PRKG1: variants seen among roughly 807,000 people sequenced by gnomAD.
The protein encoded by PRKG1 is protein kinase cGMP-dependent 1.
A neutral mutation model predicts 88.1 loss-of-function variants in PRKG1; 35 were observed. The ratio of observed to expected loss-of-function variants is 0.40; its 90% CI spans 0.30 to 0.53. The LOEUF (loss-of-function observed/expected upper bound fraction) is 0.53. Among genes scored for constraint, PRKG1 ranks in the 20% least tolerant of loss-of-function variants. The probability of loss-of-function intolerance (pLI) is 0.59; values close to 1 mark genes in which losing one functional copy is unlikely to be tolerated. For missense variants in PRKG1, 540 were observed against 839.8 expected, an observed-to-expected ratio of 0.64 and a Z score of 4.41; for synonymous variants, 303 against 292.5, an observed-to-expected ratio of 1.04 and a Z score of -0.37.
At chr10:51,299,714 C>A in intron 2 of PRKG1, 1 of 413,422 alleles carries the variant, frequency 2.4e-6, no homozygotes, top group Non-Finnish European at 4.7e-6. Context: ...TTGCTCTCTG[C>A]ACATGTGTTT....
At chr10:51,886,693 C>T (rs1841578741) in intron 4 of PRKG1, among the ~76,000 whole-genome samples, 1 of 152,104 alleles carries the variant, frequency 6.6e-6, no homozygotes, top group Non-Finnish European at 1.5e-5. Flanking sequence ...TAGGTTTAAC[C>T]ATGCTGTAAC....
At chr10:51,560,969 G>A (rs962160619) in intron 3 of PRKG1, among the ~76,000 whole-genome samples, 1 of 151,894 alleles carries the variant, frequency 6.6e-6, no homozygotes, top group Non-Finnish European at 1.5e-5. Context: ...GAACAGGGCT[G>A]GGCAAGGTGG....
At chr10:51,435,819 T>C (rs1485066819) in intron 2 of PRKG1, among the ~76,000 whole-genome samples, 1 of 152,002 alleles carries the variant, frequency 6.6e-6, no homozygotes, top group Non-Finnish European at 1.5e-5. Flanking sequence ...AGGTGCCAAG[T>C]GCCAAAGGAT....
At chr10:51,124,165 A>T (rs1199346503) in intron 1 of PRKG1, among the ~76,000 whole-genome samples, 2 of 152,110 alleles carry the variant, frequency 1.3e-5, no homozygotes, top group African/African-American at 4.8e-5. Context: ...TTTTGATCAG[A>T]ACCTGATCAA....
chr10:51,012,911 G>A (rs939741338), intron 1 of PRKG1, among the ~76,000 whole-genome samples: 1 of 152,226 alleles, frequency 6.6e-6, no homozygotes, highest in African/African-American at 2.4e-5. Flanking sequence ...GAAGTAGATT[G>A]TTCTAACATT....
Position 51,898,251 on chromosome 10 carries a change from T to C in PRKG1, c.699-9256T>C, listed in dbSNP as rs10999998. ...TGTTTAATCTTTTAACTTGCCCCTC[T>C]TTCCATTGTAATAACTGCTACCCTG... On this transcript the variant is annotated intron_variant, in intron 4 of 17. Coordinates refer to ENST00000373980, the MANE Select transcript of PRKG1 (RefSeq NM_006258.4). 1.0e-2 allele frequency among the ~76,000 whole-genome samples: 1,522 copies of C among 152,280 alleles called. 29 individuals carry two copies. The highest frequency in any genetic ancestry group is 0.034 in the African/African-American group (1,408 of 41,566).
At chr10:51,166,824 G>A (rs573915852) in intron 2 of PRKG1, among the ~76,000 whole-genome samples, 7 of 152,226 alleles carry the variant, frequency 4.6e-5, no homozygotes, top group East Asian at 3.9e-4. Flanking sequence ...GAGATAAAGC[G>A]GGGTGTGACT....
chr10:51,284,865 C>CTT (rs5784867), intron 2 of PRKG1, among the ~76,000 whole-genome samples: 8,756 of 51,268 alleles, frequency 0.17, 854 homozygotes, highest in Admixed American at 0.27. Flanking sequence ...GTTGTGGGTA[C>CTT]TTTTTTTTTT....
At chr10:52,046,375 C>T (rs1049182771) in intron 5 of PRKG1, among the ~76,000 whole-genome samples, 2 of 152,008 alleles carry the variant, frequency 1.3e-5, no homozygotes, top group African/African-American at 4.8e-5. Context: ...AAAGCCCTTC[C>T]CCCTTCTTCC....
At chr10:52,062,956 A>C (rs1202711394) in intron 7 of PRKG1, 2 of 607,410 alleles carry the variant, frequency 3.3e-6, no homozygotes, top group African/African-American at 1.9e-5. Context: ...GATTTTACTC[A>C]GAATCATTAA....
intron 2 of PRKG1, chr10:51,306,797 T>G (rs1841050036): frequency 6.6e-6 from 1 of 152,210 alleles, no homozygotes; most frequent in Non-Finnish European, 1.5e-5. Flanking sequence ...TTTACTTACA[T>G]TGCCAAAAGT....
In PRKG1 at chr10:51,166,398, G is replaced by T. The variant is rs73335835; in HGVS notation, c.478+13068G>T. Among the ~76,000 whole-genome samples, 580 of 152,150 alleles carry T rather than the reference G, an allele frequency of 3.8e-3. 3 individuals are homozygous for T. Among genetic ancestry groups the T allele is most frequent in the African/African-American group, 0.014 (562 of 41,508 alleles). On this transcript the variant is annotated intron_variant, in intron 2 of 17. Coordinates refer to ENST00000373980, the MANE Select transcript of PRKG1 (RefSeq NM_006258.4). ...TCATATTTCAGGTAACGGTGGGTTG[G>T]TGGTATAGCATGTAAAGAATGTTAT...
intron 7 of PRKG1, among the ~76,000 whole-genome samples, chr10:52,093,663 CTTCT>C (rs1847107367): frequency 6.6e-6 from 1 of 152,088 alleles, no homozygotes; most frequent in African/African-American, 2.4e-5. Context: ...AAAAAATTTT[CTTCT>C]TTGTTTTGAA....
chr10:51,235,412 A>ACAAT (rs550950540), intron 2 of PRKG1, among the ~76,000 whole-genome samples: 6,343 of 152,048 alleles, frequency 0.042, 438 homozygotes, highest in African/African-American at 0.14. Flanking sequence ...AGAAAAACAA[A>ACAAT]CAAACAAACA....
chr10:51,315,059 C>A (rs1277245637), intron 2 of PRKG1, among the ~76,000 whole-genome samples: 1 of 152,172 alleles, frequency 6.6e-6, no homozygotes, highest in Non-Finnish European at 1.5e-5. Context: ...TAATGAGATT[C>A]TGTGTACTAC....
At chr10:51,741,778 C>T (rs1479353219) in intron 3 of PRKG1, among the ~76,000 whole-genome samples, 10 of 152,036 alleles carry the variant, frequency 6.6e-5, no homozygotes, top group East Asian at 5.8e-4. Flanking sequence ...TAAGGTTCTT[C>T]GCATTTACCT....
At chr10:52,075,887 C>T (rs979657252) in intron 7 of PRKG1, among the ~76,000 whole-genome samples, 2 of 152,148 alleles carry the variant, frequency 1.3e-5, no homozygotes, top group African/African-American at 4.8e-5. Flanking sequence ...ATGAGGGCCC[C>T]ACTTTCATGA....
At chr10:51,959,652 G>A (rs1843398076) in intron 5 of PRKG1, among the ~76,000 whole-genome samples, 1 of 152,074 alleles carries the variant, frequency 6.6e-6, no homozygotes, top group Admixed American at 6.6e-5. Flanking sequence ...GAGTCATAGG[G>A]TTTAAAAATT....
intron 3 of PRKG1, among the ~76,000 whole-genome samples, chr10:51,547,446 C>G (rs1233591375): frequency 1.3e-5 from 2 of 151,912 alleles, no homozygotes; most frequent in African/African-American, 4.8e-5. Context: ...CTAATATTTG[C>G]CAAAATTTTT....
Sources: allele counts gnomAD v4.1 joint callset (sites outside exome capture counted in the v4.1 genomes callset), GRCh38; gene constraint gnomAD v4.1.1; transcripts MANE v1.5; gene names NCBI Gene and HGNC (gene_info 2026-07-23, HGNC 2026-07-21).